Variants in LRP1B observed in about 807,000 individuals in gnomAD.
LRP1B encodes LDL receptor related protein 1B.
LRP1B carries 217 observed loss-of-function variants against 556.6 expected under a neutral mutation model. The observed-to-expected ratio is 0.39, with a 90% CI of 0.35 to 0.44. LRP1B has a LOEUF of 0.44. Among genes scored for constraint, LRP1B ranks in the 20% least tolerant of loss-of-function variants. LRP1B has a pLI of 1.00. For missense variants in LRP1B, 5,053 were observed against 5,620.8 expected (o/e 0.90, Z 3.23); for synonymous variants, 2,047 against 1,865.8 (o/e 1.10, Z -2.50).
intron 26 of LRP1B, 111 bp downstream of exon 26, chr2:140,867,986 ACC>A (rs1573821382): frequency 1.5e-6 from 2 of 1,295,178 alleles, no homozygotes; most frequent in East Asian, 2.6e-5. Flanking sequence ...AAAAAAATAC[ACC>A]TCCAATTTTA....
At chr2:141,304,224 C>T (rs1686499013) in intron 3 of LRP1B, among the ~76,000 whole-genome samples, 1 of 151,994 alleles carries the variant, frequency 6.6e-6, no homozygotes, top group African/African-American at 2.4e-5. Context: ...TGTCATTTTA[C>T]TCTGATGATT....
intron 1 of LRP1B, among the ~76,000 whole-genome samples, chr2:142,062,600 T>C (rs574963468): frequency 6.6e-6 from 1 of 151,778 alleles, no homozygotes; most frequent in South Asian, 2.1e-4. Flanking sequence ...TTTGGGTCCT[T>C]ATGAACTAAG....
chr2:140,363,038 C>A (rs1682590908), intron 72 of LRP1B, among the ~76,000 whole-genome samples: 1 of 151,758 alleles, frequency 6.6e-6, no homozygotes, highest in African/African-American at 2.4e-5. Flanking sequence ...AGTCTAGCTC[C>A]TTCAACACTG....
At chr2:141,658,202 A>C (rs1429890655) in intron 2 of LRP1B, among the ~76,000 whole-genome samples, 3 of 152,342 alleles carry the variant, frequency 2.0e-5, no homozygotes, top group African/African-American at 4.8e-5. Flanking sequence ...GAGATCAACA[A>C]GTAGCTTTCA....
chr2:140,881,253 A>AGTGTGT (rs3063611), intron 25 of LRP1B, among the ~76,000 whole-genome samples: 7,289 of 149,080 alleles, frequency 0.049, 191 homozygotes, highest in Middle Eastern at 0.068. Flanking sequence ...CTTTGCTGTA[A>AGTGTGT]GTGTGTGTGT....
At chr2:140,883,289 C>A (rs1358225316) in intron 25 of LRP1B, among the ~76,000 whole-genome samples, 2 of 152,150 alleles carry the variant, frequency 1.3e-5, no homozygotes, top group Non-Finnish European at 1.5e-5. Flanking sequence ...TATGCTTTGT[C>A]TTTCAAACCT....
At chr2:140,766,505 C>A (rs1030294922) in intron 35 of LRP1B, among the ~76,000 whole-genome samples, 1 of 151,822 alleles carries the variant, frequency 6.6e-6, no homozygotes, top group African/African-American at 2.4e-5. Context: ...ACCATCATGA[C>A]CTTCATTAGG....
At chr2:140,839,398 T>C (rs552593427) in intron 31 of LRP1B, among the ~76,000 whole-genome samples, 1 of 152,236 alleles carries the variant, frequency 6.6e-6, no homozygotes, top group African/African-American at 2.4e-5. Flanking sequence ...GAGATTAACA[T>C]TTGAGTCAGT....
rs189408809 is a variant in LRP1B, at chr2:141,637,288, A to T, written c.206-156755T>A. ...GTAACCGAGGAATATCAAGAAATGC[A>T]CACCTTCTTTGCATTAAATTATGTA... On this transcript the variant is annotated intron_variant, in intron 2 of 90. Coordinates refer to ENST00000389484, the MANE Select transcript of LRP1B (RefSeq NM_018557.3). Among the ~76,000 whole-genome samples the T allele has an allele frequency of 1.5e-3, 235 of 152,324 alleles. 1 individual carries two copies. Among genetic ancestry groups the T allele is most frequent in the African/African-American group, 5.3e-3 (219 of 41,584 alleles).
intron 66 of LRP1B, among the ~76,000 whole-genome samples, chr2:140,427,357 C>G (rs1365063348): frequency 6.6e-6 from 1 of 152,124 alleles, no homozygotes; most frequent in Admixed American, 6.5e-5. Flanking sequence ...CGTGTCTTTA[C>G]CCTTCTCTTT....
chr2:140,556,280 A>G (rs76773335), intron 43 of LRP1B, among the ~76,000 whole-genome samples: 5,683 of 152,092 alleles, frequency 0.037, 155 homozygotes, highest in African/African-American at 0.075. Flanking sequence ...CCCTTGGAGG[A>G]AAGGACACCC....
chr2:141,926,358 T>C (rs1700333912), intron 1 of LRP1B, among the ~76,000 whole-genome samples: 1 of 152,200 alleles, frequency 6.6e-6, no homozygotes, highest in South Asian at 2.1e-4. Context: ...GATTATGTTC[T>C]GTTTCCTTGA....
At chr2:142,023,380 A>G (rs138841326) in intron 1 of LRP1B, among the ~76,000 whole-genome samples, 67 of 152,284 alleles carry the variant, frequency 4.4e-4, no homozygotes, top group African/African-American at 1.5e-3. Context: ...GCTGTCTGGC[A>G]TGAATTTGGA....
intron 1 of LRP1B, among the ~76,000 whole-genome samples, chr2:142,076,638 G>A (rs543501988): frequency 6.6e-6 from 1 of 152,164 alleles, no homozygotes; most frequent in African/African-American, 2.4e-5. Context: ...TTAAATAGCT[G>A]CTTCTTCTTT....
At chr2:141,360,923 T>A (rs570015919) in intron 3 of LRP1B, among the ~76,000 whole-genome samples, 1 of 152,324 alleles carries the variant, frequency 6.6e-6, no homozygotes, top group Admixed American at 6.5e-5. Context: ...AAGTATTAAA[T>A]TGAAATATCT....
chr2:141,118,268 T>C (rs978858002), intron 7 of LRP1B, among the ~76,000 whole-genome samples: 1 of 151,920 alleles, frequency 6.6e-6, no homozygotes, highest in Non-Finnish European at 1.5e-5. Flanking sequence ...CAAAAACTCT[T>C]CTTGATTTTT....
chr2:140,495,428 T>C, intron 56 of LRP1B, 137 bp downstream of exon 56: 1 of 639,026 alleles, frequency 1.6e-6, no homozygotes, highest in Non-Finnish European at 2.6e-6. Context: ...TGACAGATTC[T>C]CATATCAAGG....
intron 1 of LRP1B, among the ~76,000 whole-genome samples, chr2:141,996,901 T>C (rs745849826): frequency 8.5e-5 from 13 of 152,328 alleles, no homozygotes; most frequent in Middle Eastern, 3.4e-3. Flanking sequence ...CTATCTTGAC[T>C]CATAAATAAT....
At chr2:141,167,821 G>T (rs1350426431) in intron 7 of LRP1B, among the ~76,000 whole-genome samples, 2 of 151,876 alleles carry the variant, frequency 1.3e-5, no homozygotes, top group African/African-American at 4.8e-5. Context: ...ACCATTGATA[G>T]AACTATTATG....
Sources: gnomAD v4.1 joint callset for allele counts (sites outside exome capture counted in the v4.1 genomes callset) on GRCh38, gnomAD v4.1.1 for gene constraint, MANE v1.5 for transcripts, NCBI Gene and HGNC (gene_info 2026-07-23, HGNC 2026-07-21) for gene names.